HS3ST4: variants seen among roughly 807,000 people sequenced by gnomAD.
HS3ST4 encodes the protein heparan sulfate glucosamine 3-O-sulfotransferase 4.
A neutral mutation model predicts 29.2 loss-of-function variants in HS3ST4; 17 were observed. The ratio of observed to expected loss-of-function variants is 0.58; its 90% CI spans 0.40 to 0.87. HS3ST4 has a LOEUF of 0.87. Among genes scored for constraint, HS3ST4 ranks in the 40% least tolerant of loss-of-function variants. The pLI is 0.00. For synonymous variants in HS3ST4, 314 were observed against 285.7 expected (o/e 1.10, Z -1.00); for missense variants, 627 against 634.5 (o/e 0.99, Z 0.13).
intron 1 of HS3ST4, among the ~76,000 whole-genome samples, chr16:25,996,839 G>A (rs1010124528): frequency 2.0e-5 from 3 of 152,052 alleles, no homozygotes; most frequent in Non-Finnish European, 2.9e-5. Flanking sequence ...TGATGCAATT[G>A]ATATTTTAAG....
intron 1 of HS3ST4, among the ~76,000 whole-genome samples, chr16:25,999,210 T>A (rs1313312262): frequency 1.3e-5 from 2 of 152,172 alleles, no homozygotes; most frequent in East Asian, 3.9e-4. Flanking sequence ...GGTTGTACAC[T>A]AATTCTAAAG....
intron 1 of HS3ST4, among the ~76,000 whole-genome samples, chr16:25,942,056 T>G (rs1968577487): frequency 6.6e-6 from 1 of 152,156 alleles, no homozygotes; most frequent in Non-Finnish European, 1.5e-5. Flanking sequence ...GCTCATTTAA[T>G]GTAGGGGTTG....
chr16:25,696,882 C>G (rs1966301766), intron 1 of HS3ST4, among the ~76,000 whole-genome samples: 1 of 151,962 alleles, frequency 6.6e-6, no homozygotes, highest in African/African-American at 2.4e-5. Context: ...AATTATAGAC[C>G]TGTTATTTCA....
chr16:25,809,068 A>G (rs1156906198), intron 1 of HS3ST4, among the ~76,000 whole-genome samples: 2 of 152,040 alleles, frequency 1.3e-5, no homozygotes, highest in South Asian at 2.1e-4. Flanking sequence ...TTCCTTTCCG[A>G]TATCTATAGC....
At chr16:25,940,201 ATTT>A (rs10577362) in intron 1 of HS3ST4, among the ~76,000 whole-genome samples, 77 of 146,262 alleles carry the variant, frequency 5.3e-4, no homozygotes, top group South Asian at 2.0e-3. Flanking sequence ...TCCAGATTTG[ATTT>A]TTTTTTTTTT....
chr16:25,868,557 T>C (rs910635869), intron 1 of HS3ST4, among the ~76,000 whole-genome samples: 1 of 151,996 alleles, frequency 6.6e-6, no homozygotes, highest in Non-Finnish European at 1.5e-5. Context: ...GAGAAGAAAA[T>C]ATTGTGTAAA....
chr16:26,122,947 G>A (rs960400334), intron 1 of HS3ST4, among the ~76,000 whole-genome samples: 21 of 151,906 alleles, frequency 1.4e-4, no homozygotes, highest in African/African-American at 5.1e-4. Flanking sequence ...CCAGCTACTC[G>A]GGAGGCTAAG....
At chr16:25,831,395 C>CCACA (rs555584666) in intron 1 of HS3ST4, among the ~76,000 whole-genome samples, 5,739 of 101,550 alleles carry the variant, frequency 0.057, 157 homozygotes, top group South Asian at 0.11. Flanking sequence ...GACCCCGTCT[C>CCACA]TACACACACA....
intron 1 of HS3ST4, among the ~76,000 whole-genome samples, chr16:26,128,570 C>T (rs1899376651): frequency 6.6e-6 from 1 of 152,196 alleles, no homozygotes; most frequent in Non-Finnish European, 1.5e-5. Context: ...AGAATGTAGT[C>T]TCCAAATGGT....
chr16:26,001,846 G>C (rs887202112), intron 1 of HS3ST4, among the ~76,000 whole-genome samples: 5 of 151,978 alleles, frequency 3.3e-5, no homozygotes, highest in African/African-American at 1.2e-4. Flanking sequence ...AACCTGGAAG[G>C]GGGAAGAATA....
chr16:25,996,533 A>C (rs1969160620), intron 1 of HS3ST4, among the ~76,000 whole-genome samples: 1 of 152,128 alleles, frequency 6.6e-6, no homozygotes, highest in South Asian at 2.1e-4. Flanking sequence ...CCATTTATTA[A>C]ATAAAACTAT....
At chr16:25,881,437 C>G (rs1279436187) in intron 1 of HS3ST4, among the ~76,000 whole-genome samples, 2 of 152,170 alleles carry the variant, frequency 1.3e-5, no homozygotes, top group African/African-American at 4.8e-5. Flanking sequence ...TAAGATGAAA[C>G]TGTCCTTAGA....
At chr16:25,845,046 G>A (rs983776480) in intron 1 of HS3ST4, among the ~76,000 whole-genome samples, 1 of 152,092 alleles carries the variant, frequency 6.6e-6, no homozygotes, top group African/African-American at 2.4e-5. Flanking sequence ...GAGGCCTGTT[G>A]GGGGGTGGGG....
intron 1 of HS3ST4, among the ~76,000 whole-genome samples, chr16:25,800,064 G>GCCTGCCTT (rs1966917674): frequency 6.8e-6 from 1 of 147,634 alleles, no homozygotes; most frequent in South Asian, 2.2e-4. Context: ...TTGCCTTCCT[G>GCCTGCCTT]CCTTCCTTCC....
chr16:25,719,422 T>A (rs796782780), intron 1 of HS3ST4, among the ~76,000 whole-genome samples: 16 of 152,324 alleles, frequency 1.1e-4, no homozygotes, highest in African/African-American at 3.8e-4. Flanking sequence ...GTGTGTCAAT[T>A]TGAATACTTT....
At chr16:25,822,094 G>A (rs1967163412) in intron 1 of HS3ST4, among the ~76,000 whole-genome samples, 1 of 152,148 alleles carries the variant, frequency 6.6e-6, no homozygotes, top group African/African-American at 2.4e-5. Context: ...CTCTGTAGGT[G>A]AAAAAGGACT....
chr16:26,062,390 A>G (rs1898486153), intron 1 of HS3ST4, among the ~76,000 whole-genome samples: 1 of 152,190 alleles, frequency 6.6e-6, no homozygotes, highest in African/African-American at 2.4e-5. Context: ...TTAAGCTTTA[A>G]TCAATGGGAT....
At chr16:26,109,080 A>G (rs1224871111) in intron 1 of HS3ST4, among the ~76,000 whole-genome samples, 2 of 152,184 alleles carry the variant, frequency 1.3e-5, no homozygotes, top group Admixed American at 6.5e-5. Context: ...AACCAGAAAG[A>G]TGACATCACA....
At chr16:25,782,622 A>T (rs559875753) in intron 1 of HS3ST4, among the ~76,000 whole-genome samples, 11 of 152,210 alleles carry the variant, frequency 7.2e-5, no homozygotes, top group Non-Finnish European at 1.3e-4. Context: ...AGCAAACCTG[A>T]TTAAGGCAGT....
Sources: allele counts gnomAD v4.1 joint callset (sites outside exome capture counted in the v4.1 genomes callset), GRCh38; gene constraint gnomAD v4.1.1; transcripts MANE v1.5; gene names NCBI Gene and HGNC (gene_info 2026-07-23, HGNC 2026-07-21).